ATP10B: variants seen among roughly 807,000 people sequenced by gnomAD.
ATP10B encodes phospholipid-transporting ATPase VB.
Under a neutral mutation model 141.2 loss-of-function variants are expected in ATP10B, and 122 were observed. The observed-to-expected ratio is 0.86, with a 90% CI of 0.75 to 1.00. The LOEUF is 1.00. Ranked by LOEUF, ATP10B falls within the 50% of genes least tolerant of loss-of-function variation. The pLI, the probability that ATP10B is intolerant of heterozygous loss-of-function variation, is 0.00. For synonymous variants in ATP10B, 685 were observed against 692.0 expected (o/e 0.99, Z 0.16); for missense variants, 1,876 against 1,825.3 (o/e 1.03, Z -0.51).
intron 2 of ATP10B, among the ~76,000 whole-genome samples, chr5:160,778,927 T>G (rs1261694601): frequency 6.6e-6 from 1 of 152,152 alleles, no homozygotes; most frequent in African/African-American, 2.4e-5. Flanking sequence ...CTATGTCTAG[T>G]TCATCACTTG....
At chr5:160,903,658 C>A in the ATP10B span, among the ~76,000 whole-genome samples, 21 of 152,264 alleles carry the variant, frequency 1.4e-4, no homozygotes, top group African/African-American at 4.6e-4. Context: ...TATGGTAGAG[C>A]CACCCTCTCA....
At chr5:160,840,341 A>G (rs1314421514) in intron 1 of ATP10B, among the ~76,000 whole-genome samples, 1 of 152,052 alleles carries the variant, frequency 6.6e-6, no homozygotes, top group Non-Finnish European at 1.5e-5. Flanking sequence ...TTAACACTGT[A>G]AAGACTATAA....
At chr5:160,914,944 A>T in the ATP10B span, among the ~76,000 whole-genome samples, 1 of 152,178 alleles carries the variant, frequency 6.6e-6, no homozygotes, top group Admixed American at 6.5e-5. Flanking sequence ...TATTTTGTAA[A>T]GCCTGGAAGA....
chr5:160,752,478 T>G (rs1768224734), intron 2 of ATP10B, among the ~76,000 whole-genome samples: 1 of 152,196 alleles, frequency 6.6e-6, no homozygotes, highest in African/African-American at 2.4e-5. Flanking sequence ...CCTTATTTTC[T>G]CTGAGTTTGC....
intron 18 of ATP10B, among the ~76,000 whole-genome samples, chr5:160,609,488 C>T (rs1361597150): frequency 1.3e-5 from 2 of 151,742 alleles, no homozygotes; most frequent in African/African-American, 4.8e-5. Context: ...AAGTGATTTT[C>T]ATGCCTCAGC....
At chr5:160,672,261 G>C (rs1321259610) in intron 6 of ATP10B, among the ~76,000 whole-genome samples, 2 of 152,138 alleles carry the variant, frequency 1.3e-5, no homozygotes, top group East Asian at 3.9e-4. Flanking sequence ...ACAGGCGTGA[G>C]CTACTGCTCC....
the ATP10B span, among the ~76,000 whole-genome samples, chr5:160,859,373 T>A: frequency 6.6e-6 from 1 of 151,902 alleles, no homozygotes; most frequent in Non-Finnish European, 1.5e-5. Context: ...TTCTGGTTGG[T>A]TTCAATATTT....
intron 3 of ATP10B, among the ~76,000 whole-genome samples, chr5:160,693,403 A>AACACACACAC (rs3075585): frequency 0.014 from 1,797 of 125,636 alleles, 35 homozygotes; most frequent in East Asian, 0.056. Flanking sequence ...TGGGTCAGAA[A>AACACACACAC]ACACACACAC....
At chr5:160,797,735 GCACAAA>G (rs1393197843) in intron 1 of ATP10B, among the ~76,000 whole-genome samples, 2 of 131,346 alleles carry the variant, frequency 1.5e-5, no homozygotes, top group East Asian at 2.5e-4. Context: ...CTAAGAAAAT[GCACAAA>G]CACAAACACA....
intron 1 of ATP10B, among the ~76,000 whole-genome samples, chr5:160,832,420 T>C (rs1181675715): frequency 6.6e-6 from 1 of 152,054 alleles, no homozygotes; most frequent in East Asian, 1.9e-4. Context: ...TAGGGAAAAA[T>C]GCCCTCAACA....
At chr5:160,796,576 GTCT>G (rs10607141) in intron 1 of ATP10B, among the ~76,000 whole-genome samples, 66,484 of 151,518 alleles carry the variant, frequency 0.44, 14,605 homozygotes, top group East Asian at 0.6. Flanking sequence ...CGGTAGTATT[GTCT>G]TCTTGCCACA....
intron 13 of ATP10B, among the ~76,000 whole-genome samples, chr5:160,625,103 T>C (rs544423767): frequency 3.1e-4 from 47 of 152,332 alleles, no homozygotes; most frequent in African/African-American, 1.1e-3. Context: ...ATTGTCTCTG[T>C]ATTTAAGATG....
In ATP10B at chr5:160,620,847, G is replaced by C. The variant is rs748744055; in HGVS notation, c.1916C>G (p.Ser639Cys). The C allele has an allele frequency of 1.2e-6, 2 of 1,614,224 alleles. No individual in the cohort carries two copies. Among genetic ancestry groups the C allele is most frequent in the Non-Finnish European group, 1.7e-6 (2 of 1,180,042 alleles). Reference protein sequence around the residue: ...KLLSLSQSFSSTAPSDTDLGE... With the variant: ...KLLSLSQSFSCTAPSDTDLGE... ...GAGGTCTGTGTCAGAGGGTGCAGTG[G>C]ATGAGAATGACTGGCTGAGGCTCAA... is the stretch of plus-strand genomic sequence containing the variant. Residue 639 changes from serine to cysteine, a missense_variant, in exon 15 of 26, where the codon TCC becomes TGC. Transcript: ENST00000327245.
the ATP10B span, among the ~76,000 whole-genome samples, chr5:160,927,469 C>T: frequency 1.3e-5 from 2 of 152,156 alleles, no homozygotes; most frequent in Non-Finnish European, 2.9e-5. Flanking sequence ...GCCATTTAGC[C>T]TTTTTATCTT....
intron 1 of ATP10B, among the ~76,000 whole-genome samples, chr5:160,830,550 G>A (rs1774995299): frequency 6.6e-6 from 1 of 151,962 alleles, no homozygotes; most frequent in Non-Finnish European, 1.5e-5. Flanking sequence ...AGATTGATTT[G>A]AGCCTTACTT....
At chr5:160,845,456 T>A (rs1409058693) in intron 1 of ATP10B, among the ~76,000 whole-genome samples, 2 of 152,144 alleles carry the variant, frequency 1.3e-5, no homozygotes, top group East Asian at 3.9e-4. Context: ...ACCAGGACCT[T>A]CTCGAAAGCT....
At chr5:160,581,619 T>C (rs1755559525) in intron 24 of ATP10B, among the ~76,000 whole-genome samples, 2 of 152,224 alleles carry the variant, frequency 1.3e-5, no homozygotes, top group Non-Finnish European at 2.9e-5. Flanking sequence ...GAAGAATGTA[T>C]ATTCTGTTGA....
chr5:160,817,099 G>T (rs1773693132), intron 1 of ATP10B, among the ~76,000 whole-genome samples: 1 of 152,164 alleles, frequency 6.6e-6, no homozygotes, highest in Non-Finnish European at 1.5e-5. Context: ...GCACAAGACA[G>T]GGATGCCCTC....
At position 160,686,222 on chromosome 5, in the gene ATP10B, G is replaced by A. The variant is rs894425819; in HGVS notation, c.327C>T (p.Ser109=). 1.2e-6 allele frequency: 2 copies of A among 1,611,280 alleles called. No individual in the cohort carries two copies. The highest frequency in any genetic ancestry group is 8.5e-7 in the Non-Finnish European group (1 of 1,178,134). Residue 109 remains serine (S), a synonymous_variant, in exon 6 of 26, where the codon TCC becomes TCT. Coordinates refer to ENST00000327245, the MANE Select transcript of ATP10B (RefSeq NM_025153.3). ...LFLVILNWMP[S]MEVFHREITM... is the part of the protein sequence containing the mutation. ...TGATTTCTCTGTGGAAGACTTCCAT[G>A]GAGGGCATCCAGTTCAAAATCACCA...
Sources: gnomAD v4.1 joint callset for allele counts (sites outside exome capture counted in the v4.1 genomes callset) on GRCh38, gnomAD v4.1.1 for gene constraint, MANE v1.5 for transcripts, NCBI Gene and HGNC (gene_info 2026-07-23, HGNC 2026-07-21) for gene names.